Variants in PTPN21 observed in about 807,000 individuals in gnomAD.
PTPN21 encodes the protein tyrosine-protein phosphatase non-receptor type 21.
Under a neutral mutation model 131.8 loss-of-function variants are expected in PTPN21, and 77 were observed. The observed-to-expected ratio is 0.58, with a 90% CI of 0.49 to 0.71. PTPN21 has a LOEUF of 0.71. PTPN21 is among the 30% of genes least tolerant of loss of function. The pLI is 0.00. For synonymous variants in PTPN21, 715 were observed against 621.3 expected, an observed-to-expected ratio of 1.15 and a Z score of -2.24; for missense variants, 1,552 against 1,527.1, an observed-to-expected ratio of 1.02 and a Z score of -0.27.
rs879869409 is a variant in PTPN21 at position 88,468,345 on chromosome 14, C to G, written c.3397-80G>C. On this transcript the variant is annotated intron_variant, in intron 18 of 18. Transcript: ENST00000556564. ...GGATGGGAGGACACGAGTGTCCTGG[C>G]AGAAACCTGGTTGGGAGATGGACAG... 3.6e-5 allele frequency: 50 copies of G among 1,388,778 alleles called. No homozygotes were observed. In the Admixed American group the frequency reaches 1.2e-3, roughly 33 times the overall value. The allele number at this position is 1,388,778 out of a possible 1,614,324, so 86.0% of individuals were successfully genotyped here.
In PTPN21 at chr14:88,499,477, C is replaced by T. The variant is rs541850174; in HGVS notation, c.764+1306G>A. 3.3e-5 allele frequency: 5 copies of T among 152,284 alleles called. No individual in the cohort carries two copies. In the East Asian group the frequency reaches 9.6e-4, roughly 29 times the overall value. 9.4% of individuals were successfully genotyped at this position (152,284 alleles called of 1,614,324 possible). A position where few individuals can be genotyped will look rare whatever the true frequency, so the allele number is the denominator to read the frequency against. On this transcript the variant is annotated intron_variant, in intron 8 of 18. Coordinates refer to ENST00000556564, the MANE Select transcript of PTPN21 (RefSeq NM_007039.4). ...TGGAGAGAATAAAAGCTGTTTAATACAGCGATTAAGAGCCCACGCATAAAG... is the reference window on the plus strand; with the variant it reads ...TGGAGAGAATAAAAGCTGTTTAATATAGCGATTAAGAGCCCACGCATAAAG...
chr14:88,472,223 T>C (rs780141875), intron 15 of PTPN21, 21 bp downstream of exon 15: 18 of 1,410,778 alleles, frequency 1.3e-5, no homozygotes, highest in Middle Eastern at 1.8e-4. Flanking sequence ...TGCTGTTGAT[T>C]ACTTGAGGCG....
In PTPN21 at chr14:88,479,205, G is replaced by A; in HGVS notation, c.2226C>T (p.Asp742=). 6.3e-7 allele frequency: 1 copy of A among 1,592,232 alleles called. No homozygotes were observed. The highest frequency in any genetic ancestry group is 8.5e-7 in the Non-Finnish European group (1 of 1,170,024). ...AREPRPGLAQ[D]PPGCPRVLLA... ...GCAGGACGCGAGGGCAGCCAGGTGG[G>A]TCCTGGGCCAGGCCGGGCCGAGGCT... Residue 742 remains aspartate (D), a synonymous_variant, in exon 13 of 19, where the codon GAC becomes GAT. Transcript: ENST00000556564.
chr14:88,516,544 CTCTAT>C (rs2078273477), intron 3 of PTPN21, among the ~76,000 whole-genome samples: 2 of 152,042 alleles, frequency 1.3e-5, no homozygotes, highest in Admixed American at 1.3e-4. Context: ...CACTTAGTTC[CTCTAT>C]TCTGCTCCTT....
chr14:88,498,691 A>T (rs571060012), intron 8 of PTPN21, among the ~76,000 whole-genome samples: 1 of 152,280 alleles, frequency 6.6e-6, no homozygotes, highest in East Asian at 1.9e-4. Context: ...AAAGTGGGGG[A>T]GGTGTGCTCT....
intron 5 of PTPN21, among the ~76,000 whole-genome samples, chr14:88,504,870 T>C (rs933422270): frequency 5.3e-5 from 8 of 152,252 alleles, no homozygotes; most frequent in Admixed American, 1.3e-4. Context: ...GCAGTTTCCA[T>C]GTCCCTTCCA....
At chr14:88,483,832 CTATCATATTCAAGTT>C (rs951262693) in intron 12 of PTPN21, among the ~76,000 whole-genome samples, 1 of 152,126 alleles carries the variant, frequency 6.6e-6, no homozygotes, top group African/African-American at 2.4e-5. Flanking sequence ...CTCAGAAAAA[CTATCATATTCAAGTT>C]ATTTGTGCCA....
At chr14:88,513,166 T>TTTTTG (rs1343612813) in intron 3 of PTPN21, among the ~76,000 whole-genome samples, 1 of 152,158 alleles carries the variant, frequency 6.6e-6, no homozygotes, top group Non-Finnish European at 1.5e-5. Context: ...TGTATTCTTT[T>TTTTTG]TTTTGTTTTG....
rs1002515907 is a variant in PTPN21 at position 88,467,861 on chromosome 14, C to T, written c.*276G>A. 1.0e-4 allele frequency: 41 copies of T among 400,082 alleles called. No individual in the cohort carries two copies. The highest frequency in any genetic ancestry group is 7.0e-4 in the Middle Eastern group (1 of 1,432). The allele number at this position is 400,082 out of a possible 1,614,324, so 24.8% of individuals were successfully genotyped here. A position where few individuals can be genotyped will look rare whatever the true frequency, so the allele number is the denominator to read the frequency against. On this transcript the variant is annotated 3_prime_UTR_variant, in exon 19 of 19. Coordinates refer to ENST00000556564, the MANE Select transcript of PTPN21 (RefSeq NM_007039.4). ...AGAATTGTCTAGAAAATACAATCTC[C>T]AAAATGTGTGCAAGTACTGCAAACC...
At chr14:88,500,506 G>A (rs1167559358) in intron 8 of PTPN21, among the ~76,000 whole-genome samples, 1 of 152,088 alleles carries the variant, frequency 6.6e-6, no homozygotes, top group Non-Finnish European at 1.5e-5. Flanking sequence ...GCAAAGAATG[G>A]CCTCCATATG....
intron 10 of PTPN21, among the ~76,000 whole-genome samples, chr14:88,490,449 C>T (rs2077806534): frequency 6.6e-6 from 1 of 152,094 alleles, no homozygotes; most frequent in Non-Finnish European, 1.5e-5. Context: ...TGTGGCTGCT[C>T]CTCCTCTCCC....
At chr14:88,480,420 C>T (rs530807832) in intron 12 of PTPN21, 68 bp from the exon 13 acceptor site, 4 of 1,206,602 alleles carry the variant, frequency 3.3e-6, no homozygotes, top group South Asian at 1.4e-5. Context: ...ATACTGAGAT[C>T]GGCCCTTACC....
intron 4 of PTPN21, among the ~76,000 whole-genome samples, chr14:88,506,564 C>T (rs188914352): frequency 4.1e-4 from 63 of 152,234 alleles, no homozygotes; most frequent in African/African-American, 1.3e-3. Context: ...AGGCGTGAGA[C>T]ACCGCACCCA....
chr14:88,554,480 G>GA (rs2078899846), intron 1 of PTPN21, among the ~76,000 whole-genome samples, 171 bp downstream of exon 1: 1 of 152,190 alleles, frequency 6.6e-6, no homozygotes, highest in South Asian at 2.1e-4. Context: ...GAGCGAACCT[G>GA]AAAAACAAGA....
At chr14:88,527,313 C>A (rs184974427) in intron 2 of PTPN21, among the ~76,000 whole-genome samples, 3 of 152,256 alleles carry the variant, frequency 2.0e-5, no homozygotes, top group African/African-American at 7.2e-5. Context: ...TTTACACCAA[C>A]ATCTATTATT....
intron 3 of PTPN21, 82 bp from the exon 4 acceptor site, chr14:88,508,102 G>A (rs2078121971): frequency 8.3e-6 from 6 of 724,914 alleles, no homozygotes; most frequent in Non-Finnish European, 4.4e-6. Context: ...ATTTGGTAGA[G>A]AAGCATAAAC....
At position 88,479,949 on chromosome 14, in the gene PTPN21, G is replaced by C. The variant is rs1490598910; in HGVS notation, c.1482C>G (p.Pro494=). 3.1e-6 allele frequency: 5 copies of C among 1,607,528 alleles called. No homozygotes were observed. The highest frequency in any genetic ancestry group is 3.4e-6 in the Non-Finnish European group (4 of 1,179,890). ...SRPAALVYSQ[P]EIREHAQLPS... ...GGAGCTGTGCGTGCTCGCGGATCTCGGGCTGGCTGTAGACCAGCGCCGCGG... is the reference window on the plus strand; with the variant it reads ...GGAGCTGTGCGTGCTCGCGGATCTCCGGCTGGCTGTAGACCAGCGCCGCGG... Residue 494 remains proline (P), a synonymous_variant, in exon 13 of 19, where the codon CCC becomes CCG. Transcript: ENST00000556564.
intron 2 of PTPN21, among the ~76,000 whole-genome samples, chr14:88,520,550 A>G (rs2078373088): frequency 6.6e-6 from 1 of 152,236 alleles, no homozygotes; most frequent in African/African-American, 2.4e-5. Context: ...ATTGCTTATT[A>G]TCTGTAAGCA....
chr14:88,501,570 C>T (rs551307508), intron 6 of PTPN21, among the ~76,000 whole-genome samples: 6 of 152,206 alleles, frequency 3.9e-5, no homozygotes, highest in African/African-American at 1.4e-4. Context: ...ACATGAGATC[C>T]TGCTCTCCAT....
Sources: gnomAD v4.1 joint callset for allele counts (sites outside exome capture counted in the v4.1 genomes callset) on GRCh38, gnomAD v4.1.1 for gene constraint, MANE v1.5 for transcripts, NCBI Gene and HGNC (gene_info 2026-07-23, HGNC 2026-07-21) for gene names.